Variants in ATF7IP observed in about 807,000 individuals in gnomAD.
ATF7IP encodes activating transcription factor 7-interacting protein 1.
A neutral mutation model predicts 106.4 loss-of-function variants in ATF7IP; 23 were observed. The observed-to-expected ratio is 0.22, with a 90% CI of 0.16 to 0.31. ATF7IP has a LOEUF of 0.31. Ranked by LOEUF, ATF7IP falls within the 10% of genes least tolerant of loss-of-function variation. The pLI is 1.00. For missense variants in ATF7IP, 1,334 were observed against 1,524.3 expected, an observed-to-expected ratio of 0.88 and a Z score of 2.08; for synonymous variants, 542 against 539.0, an observed-to-expected ratio of 1.01 and a Z score of -0.08.
At position 14,426,823 on chromosome 12, in the gene ATF7IP, C is replaced by CAAAAAA. The variant is rs1491532843; in HGVS notation, c.1558+1372_1558+1377dup. The stretch of plus-strand genomic sequence containing the variant: ...TGGGTGACAAAGTAAGACCCTGCCT[C>CAAAAAA]AAAAAAAAAAAAAAAAAAAAAAAAA... On this transcript the variant is annotated intron_variant, in intron 2 of 14. Coordinates refer to ENST00000261168, the MANE Select transcript of ATF7IP (RefSeq NM_018179.5). Among the ~76,000 whole-genome samples the CAAAAAA allele has an allele frequency of 1.1e-3, 17 of 16,060 alleles. 2 individuals carry two copies. The highest frequency in any genetic ancestry group is 1.7e-3 in the Non-Finnish European group (16 of 9,626). 10.5% of individuals were successfully genotyped at this position (16,060 alleles called of 152,430 possible). A position where few individuals can be genotyped will look rare whatever the true frequency, so the allele number is the denominator to read the frequency against.
intron 1 of ATF7IP, among the ~76,000 whole-genome samples, chr12:14,418,750 A>T (rs1025924640): frequency 5.3e-5 from 8 of 152,206 alleles, no homozygotes; most frequent in Non-Finnish European, 1.0e-4. Flanking sequence ...TTTAGAACCC[A>T]TAAGATCTGG....
intron 13 of ATF7IP, among the ~76,000 whole-genome samples, chr12:14,486,407 T>C (rs1565553458): frequency 6.6e-6 from 1 of 152,146 alleles, no homozygotes; most frequent in Admixed American, 6.5e-5. Flanking sequence ...AAAGATTCAC[T>C]GCGTAAATTG....
In ATF7IP at chr12:14,460,973, C is replaced by G; in HGVS notation, c.2637C>G (p.His879Gln). ...TLAVQAVPTA[H>Q]SIVQATRTSL... ...CTGTGCAGGCTGTTCCAACAGCACACTCTATTGTACAAGCCACAAGGACTT... is the reference window on the plus strand; with the variant it reads ...CTGTGCAGGCTGTTCCAACAGCACAGTCTATTGTACAAGCCACAAGGACTT... The change falls in exon 9 of 15, where the codon CAC becomes CAG. Residue 879 changes from histidine (H) to glutamine (Q), a missense_variant. By Grantham distance (24) the His-to-Gln change is conservative. This residue lies in a region of ATF7IP where 370 missense variants were observed against 401.2 expected (regional missense o/e 0.92). Coordinates refer to ENST00000261168, the MANE Select transcript of ATF7IP (RefSeq NM_018179.5). 1 of 1,614,068 alleles carries G rather than the reference C, an allele frequency of 6.2e-7. No individual in the cohort carries two copies. The highest frequency in any genetic ancestry group is 8.5e-7 in the Non-Finnish European group (1 of 1,180,008).
At chr12:14,472,722 G>T (rs149318314) in intron 10 of ATF7IP, among the ~76,000 whole-genome samples, 1 of 152,082 alleles carries the variant, frequency 6.6e-6, no homozygotes, top group East Asian at 1.9e-4. Context: ...TCACTCCTGG[G>T]ATTCAGTTAC....
chr12:14,414,861 T>A (rs1941120797), intron 1 of ATF7IP, among the ~76,000 whole-genome samples: 1 of 152,192 alleles, frequency 6.6e-6, no homozygotes, highest in African/African-American at 2.4e-5. Context: ...TCCTCATACC[T>A]CATTCTGGGT....
At chr12:14,457,568 A>G (rs1943476728) in intron 8 of ATF7IP, among the ~76,000 whole-genome samples, 1 of 152,138 alleles carries the variant, frequency 6.6e-6, no homozygotes, top group Admixed American at 6.5e-5. Context: ...TTAAAACAAA[A>G]AAATTTAGGG....
intron 6 of ATF7IP, among the ~76,000 whole-genome samples, chr12:14,453,655 G>T (rs1036308153): frequency 8.7e-5 from 13 of 148,982 alleles, no homozygotes; most frequent in Admixed American, 4.0e-4. Flanking sequence ...AAGGAGTTTC[G>T]CTCCTGTCGC....
intron 6 of ATF7IP, 52 bp from the exon 7 acceptor site, chr12:14,456,509 A>AT: frequency 1.2e-5 from 16 of 1,314,118 alleles, no homozygotes; most frequent in Non-Finnish European, 1.4e-5. Flanking sequence ...TTTTTTAAAG[A>AT]TTCCCTGTGT....
chr12:14,446,954 T>G, intron 5 of ATF7IP, 34 bp from the exon 6 acceptor site: 1 of 1,496,916 alleles, frequency 6.7e-7, no homozygotes, highest in Non-Finnish European at 8.9e-7. Flanking sequence ...ACTATTTGAT[T>G]TCCATTCATT....
At chr12:14,435,844 C>G (rs866097691) in intron 3 of ATF7IP, among the ~76,000 whole-genome samples, 1 of 152,152 alleles carries the variant, frequency 6.6e-6, no homozygotes, top group African/African-American at 2.4e-5. Context: ...TGAGGCAGTT[C>G]TTAGTATGAA....
intron 2 of ATF7IP, among the ~76,000 whole-genome samples, chr12:14,430,163 GAGAGATTTTGGTGTTTC>G (rs528496374): frequency 1.5e-3 from 234 of 152,278 alleles, no homozygotes; most frequent in African/African-American, 4.9e-3. Flanking sequence ...GAAGAAAATG[GAGAGATTTTGGTGTTTC>G]AGAGATTTTG....
intron 13 of ATF7IP, among the ~76,000 whole-genome samples, chr12:14,484,769 T>C (rs1431594314): frequency 6.6e-6 from 1 of 152,166 alleles, no homozygotes; most frequent in African/African-American, 2.4e-5. Flanking sequence ...TCATGTAAAT[T>C]ACTTGTGCCT....
At chr12:14,410,179 C>G (rs1455398176) in intron 1 of ATF7IP, among the ~76,000 whole-genome samples, 1 of 152,128 alleles carries the variant, frequency 6.6e-6, no homozygotes, top group Admixed American at 6.5e-5. Flanking sequence ...ATTAGTCCCC[C>G]CTTCTCCACA....
Position 14,434,434 on chromosome 12 carries a change from A to G in ATF7IP, c.1645+11A>G, listed in dbSNP as rs1386332375. On this transcript the variant is annotated intron_variant, in intron 3 of 14. Transcript: ENST00000261168. Reference sequence around the variant, plus strand: ...GACCTTCTGAGAAAAGTATGCATGTATAAACAAACTTGAACTGGATTGAAA... The same window carrying G: ...GACCTTCTGAGAAAAGTATGCATGTGTAAACAAACTTGAACTGGATTGAAA... 2.2e-6 allele frequency: 3 copies of G among 1,394,706 alleles called. No homozygotes were observed. Among genetic ancestry groups the G allele is most frequent in the Admixed American group, 1.8e-5 (1 of 56,618 alleles). The allele number at this position is 1,394,706 out of a possible 1,614,324, so 86.4% of individuals were successfully genotyped here. A position where few individuals can be genotyped will look rare whatever the true frequency, so the allele number is the denominator to read the frequency against.
chr12:14,375,656 A>G (rs553635695), intron 1 of ATF7IP, among the ~76,000 whole-genome samples: 1 of 152,306 alleles, frequency 6.6e-6, no homozygotes, highest in South Asian at 2.1e-4. Context: ...GACCTGGGCA[A>G]TTAGTGTCTC....
At chr12:14,488,600 T>C (rs754090734) in intron 13 of ATF7IP, among the ~76,000 whole-genome samples, 9 of 152,194 alleles carry the variant, frequency 5.9e-5, no homozygotes, top group Non-Finnish European at 1.2e-4. Context: ...GCAGGATTAA[T>C]ACTTTGTGTC....
chr12:14,477,549 A>G (rs946243380), intron 11 of ATF7IP, among the ~76,000 whole-genome samples: 2 of 152,212 alleles, frequency 1.3e-5, no homozygotes, highest in African/African-American at 4.8e-5. Flanking sequence ...CAGTGCTCTC[A>G]CCATTTCCCT....
At chr12:14,371,312 A>C (rs1012721257) in intron 1 of ATF7IP, among the ~76,000 whole-genome samples, 7 of 152,122 alleles carry the variant, frequency 4.6e-5, no homozygotes, top group Non-Finnish European at 1.0e-4. Flanking sequence ...TATGAAAATA[A>C]ATCTAGAAAA....
Position 14,475,890 on chromosome 12 carries a change from T to G in ATF7IP, c.2863T>G (p.Cys955Gly), listed in dbSNP as rs756058147. 6.2e-7 allele frequency: 1 copy of G among 1,605,654 alleles called. No individual in the cohort carries two copies. The highest frequency in any genetic ancestry group is 8.5e-7 in the Non-Finnish European group (1 of 1,177,658). The change falls in exon 11 of 15, where the codon TGT becomes GGT. Residue 955 changes from cysteine (C) to glycine (G), a missense_variant and splice_region_variant. Around this residue, in one of 10 missense-constraint regions of ATF7IP, gnomAD observed 370 missense variants for 401.2 expected, o/e 0.92. Transcript: ENST00000261168. ...AAAATGTAGAAGTTTTGTTTTTCAG[T>G]GTGGAAAAGCCACTGGCAGTGATTC... ...SKKAADSTSQ[C>G]GKATGSDSSG... is the part of the protein sequence containing the mutation.
Sources: allele counts gnomAD v4.1 joint callset (sites outside exome capture counted in the v4.1 genomes callset), GRCh38; gene constraint gnomAD v4.1.1; regional missense constraint gnomAD v4.1.1; transcripts MANE v1.5; gene names NCBI Gene and HGNC (gene_info 2026-07-23, HGNC 2026-07-21).